Variants in WWP2 observed in about 807,000 individuals in gnomAD.
WWP2 encodes WW domain containing E3 ubiquitin protein ligase 2, also known as NEDD4-like E3 ubiquitin-protein ligase WWP2.
In WWP2, 57 loss-of-function variants were observed where a neutral mutation model predicts 121.0. That is an observed-to-expected ratio of 0.47 (90% CI 0.38 to 0.59). The LOEUF is 0.59. Among genes scored for constraint, WWP2 ranks in the 20% least tolerant of loss-of-function variants. WWP2 has a pLI of 0.00. For synonymous variants in WWP2, 449 were observed against 441.3 expected, an observed-to-expected ratio of 1.02 and a Z score of -0.22; for missense variants, 962 against 1,158.9, an observed-to-expected ratio of 0.83 and a Z score of 2.47.
intron 4 of WWP2, among the ~76,000 whole-genome samples, chr16:69,815,518 G>A (rs1353799175): frequency 2.0e-5 from 3 of 151,750 alleles, no homozygotes; most frequent in African/African-American, 7.2e-5. Context: ...GCAGGGGCTG[G>A]GCACGGTGCC....
intron 6 of WWP2, among the ~76,000 whole-genome samples, chr16:69,866,382 C>G (rs2057525635): frequency 6.6e-6 from 1 of 151,680 alleles, no homozygotes; most frequent in Non-Finnish European, 1.5e-5. Context: ...CTCAGCCTCC[C>G]AAAGTGCTGG....
chr16:69,840,050 A>G, intron 4 of WWP2, 76 bp from the exon 5 acceptor site: 1 of 1,581,610 alleles, frequency 6.3e-7, no homozygotes, highest in Middle Eastern at 1.7e-4. Context: ...GGTGAAATGA[A>G]AGCTTCTAAT....
chr16:69,776,816 G>A (rs1183284590), intron 1 of WWP2, among the ~76,000 whole-genome samples: 1 of 149,822 alleles, frequency 6.7e-6, no homozygotes, highest in African/African-American at 2.5e-5. Context: ...CAACAAGAGC[G>A]AAATTCCATC....
intron 10 of WWP2, among the ~76,000 whole-genome samples, chr16:69,918,887 A>G (rs1319920580): frequency 7.5e-6 from 1 of 133,480 alleles, no homozygotes; most frequent in Non-Finnish European, 1.5e-5. Flanking sequence ...TCTGTTGCCC[A>G]TGCTGGAGTG....
At chr16:69,883,013 C>T (rs1170777936) in intron 7 of WWP2, among the ~76,000 whole-genome samples, 2 of 151,726 alleles carry the variant, frequency 1.3e-5, no homozygotes, top group Non-Finnish European at 2.9e-5. Context: ...ATTAGCCAGG[C>T]GTGGTGGCAC....
chr16:69,932,244 G>A (rs189280617), intron 16 of WWP2, among the ~76,000 whole-genome samples: 1,885 of 152,334 alleles, frequency 0.012, 24 homozygotes, highest in Non-Finnish European at 0.018. Context: ...CGGGAGAATC[G>A]CTTGAACCTG....
At chr16:69,846,050 A>AAAAAAAAAAG (rs1491279362) in intron 6 of WWP2, among the ~76,000 whole-genome samples, 3 of 36,586 alleles carry the variant, frequency 8.2e-5, no homozygotes, top group Non-Finnish European at 1.1e-4. Flanking sequence ...ACTCCATCTC[A>AAAAAAAAAAG]AAAAAAAAAA....
intron 6 of WWP2, among the ~76,000 whole-genome samples, chr16:69,843,240 T>C (rs1477673934): frequency 6.6e-6 from 1 of 152,116 alleles, no homozygotes; most frequent in East Asian, 1.9e-4. Flanking sequence ...GTAATGTTGG[T>C]TAAGACCTCC....
At chr16:69,831,609 A>G (rs1471727384) in intron 4 of WWP2, among the ~76,000 whole-genome samples, 1 of 152,178 alleles carries the variant, frequency 6.6e-6, no homozygotes, top group Non-Finnish European at 1.5e-5. Context: ...TGCACGTACA[A>G]ACTCTTCTCA....
In WWP2 at chr16:69,936,335, G is replaced by T. The variant is rs1246787362; in HGVS notation, c.2000G>T (p.Gly667Val). ...WIKENNLEEC[G>V]LELYFIQDME... The stretch of plus-strand genomic sequence containing the variant: ...AGAGAGAACAACCTGGAAGAATGTG[G>T]CCTGGAGCTGTACTTCATCCAGGAC... Residue 667 changes from glycine (G) to valine (V), a missense_variant, in exon 19 of 24, where the codon GGC (glycine) becomes GTC (valine). Physicochemically the swap from Gly to Val is moderately radical, Grantham distance 109. Transcript: ENST00000359154. The T allele has an allele frequency of 2.5e-6, 4 of 1,614,128 alleles. No individual in the cohort carries two copies. The highest frequency in any genetic ancestry group is 3.4e-6 in the Non-Finnish European group (4 of 1,180,028).
intron 7 of WWP2, among the ~76,000 whole-genome samples, chr16:69,881,272 G>A (rs2057824397): frequency 6.6e-6 from 1 of 152,304 alleles, no homozygotes; most frequent in East Asian, 1.9e-4. Flanking sequence ...GTGGTGTTCT[G>A]GTTTGAGTAC....
rs2038676233 is a variant in WWP2 at position 69,764,107 on chromosome 16, T to A, written c.-16+1716T>A. ...CTGAGGCTTAATGAAGTCCTTACTT[T>A]AGATTTCAGAGCTAGTAAATGAGTA... On this transcript the variant is annotated intron_variant, in intron 1 of 23. Transcript: ENST00000359154. Among the ~76,000 whole-genome samples, 3 of 152,236 alleles carry A rather than the reference T, an allele frequency of 2.0e-5. No individual in the cohort carries two copies. In the South Asian group the frequency reaches 6.2e-4, roughly 32 times the overall value.
At chr16:69,827,200 A>C (rs905902357) in intron 4 of WWP2, among the ~76,000 whole-genome samples, 10 of 152,050 alleles carry the variant, frequency 6.6e-5, no homozygotes, top group Admixed American at 5.9e-4. Flanking sequence ...GAACAAAGAA[A>C]ATCTTTGTTT....
chr16:69,771,049 C>T (rs1020770142), intron 1 of WWP2, among the ~76,000 whole-genome samples: 2 of 151,762 alleles, frequency 1.3e-5, no homozygotes, highest in Admixed American at 6.6e-5. Flanking sequence ...TCCTCTCCAT[C>T]CTCTCAGTAA....
At chr16:69,912,325 G>T (rs1334446556) in intron 9 of WWP2, among the ~76,000 whole-genome samples, 3 of 150,272 alleles carry the variant, frequency 2.0e-5, no homozygotes, top group Non-Finnish European at 4.4e-5. Flanking sequence ...ATTGGTTTTA[G>T]ATCAGTTGGA....
At chr16:69,763,260 A>G (rs1465777492) in intron 1 of WWP2, among the ~76,000 whole-genome samples, 1 of 152,130 alleles carries the variant, frequency 6.6e-6, no homozygotes, top group Admixed American at 6.6e-5. Context: ...CCCTTAGCTT[A>G]TCTTGTGACT....
At chr16:69,846,228 A>G (rs974110228) in intron 6 of WWP2, among the ~76,000 whole-genome samples, 5 of 152,104 alleles carry the variant, frequency 3.3e-5, no homozygotes, top group South Asian at 2.1e-4. Context: ...ACACTCTTAT[A>G]ATGGAATACT....
At chr16:69,926,594 C>G (rs763940130) in intron 11 of WWP2, among the ~76,000 whole-genome samples, 2 of 152,138 alleles carry the variant, frequency 1.3e-5, no homozygotes, top group Non-Finnish European at 2.9e-5. Context: ...CTGCAGGGTA[C>G]CACTTAGTCA....
chr16:69,818,181 GATTTT>G (rs1452089521), intron 4 of WWP2, among the ~76,000 whole-genome samples: 1 of 151,308 alleles, frequency 6.6e-6, no homozygotes, highest in South Asian at 2.1e-4. Context: ...TTATATTTTA[GATTTT>G]ATTTTATTTA....
Sources: allele counts gnomAD v4.1 joint callset (sites outside exome capture counted in the v4.1 genomes callset), GRCh38; gene constraint gnomAD v4.1.1; transcripts MANE v1.5; gene names NCBI Gene and HGNC (gene_info 2026-07-23, HGNC 2026-07-21).